SMOC1: variants seen among roughly 807,000 people sequenced by gnomAD.
SMOC1 encodes the protein SPARC related modular calcium binding 1.
Under a neutral mutation model 56.3 loss-of-function variants are expected in SMOC1, and 22 were observed. The observed-to-expected ratio is 0.39, with a 90% CI of 0.28 to 0.56. The LOEUF is 0.56. Among genes scored for constraint, SMOC1 ranks in the 20% least tolerant of loss-of-function variants. The pLI is 0.61. For synonymous variants in SMOC1, 193 were observed against 215.0 expected (o/e 0.90, Z 0.89); for missense variants, 509 against 565.4 (o/e 0.90, Z 1.01).
intron 1 of SMOC1, among the ~76,000 whole-genome samples, chr14:69,913,849 A>G (rs1884617645): frequency 1.3e-5 from 2 of 152,198 alleles, no homozygotes; most frequent in African/African-American, 4.8e-5. Context: ...CATGAGGTTT[A>G]TGTTTCCTTA....
rs559736808 is a variant in SMOC1, at chr14:69,979,606, GT to G, written c.526+1643del. Among the ~76,000 whole-genome samples the G allele has an allele frequency of 1.6e-4, 24 of 151,884 alleles. No individual in the cohort carries two copies. In the East Asian group the frequency reaches 4.3e-3, roughly 27 times the overall value. On this transcript the variant is annotated intron_variant, in intron 5 of 11. Transcript: ENST00000361956. ...TTTTCTATTGCGTGTGTGTGTGTGT[GT>G]TGTTTTTTTTCTAGCAGAGCATTTT...
At chr14:69,981,248 A>G (rs1261938105) in intron 5 of SMOC1, among the ~76,000 whole-genome samples, 1 of 152,054 alleles carries the variant, frequency 6.6e-6, no homozygotes, top group Non-Finnish European at 1.5e-5. Context: ...AGACACTGTT[A>G]TCTTACCCAG....
At chr14:69,972,962 A>C (rs1003315080) in intron 3 of SMOC1, among the ~76,000 whole-genome samples, 1 of 152,172 alleles carries the variant, frequency 6.6e-6, no homozygotes, top group Non-Finnish European at 1.5e-5. Context: ...CCTCATGGAG[A>C]CAGAGGCCTA....
chr14:69,917,178 A>G (rs1884708300), intron 1 of SMOC1, among the ~76,000 whole-genome samples: 1 of 152,234 alleles, frequency 6.6e-6, no homozygotes, highest in Non-Finnish European at 1.5e-5. Flanking sequence ...TTACATTGCA[A>G]ATGGTAACAG....
At chr14:70,001,324 GCC>G (rs1884961206) in intron 7 of SMOC1, among the ~76,000 whole-genome samples, 3 of 152,126 alleles carry the variant, frequency 2.0e-5, no homozygotes, top group Non-Finnish European at 4.4e-5. Context: ...GCCTCTGTTT[GCC>G]ACTGAGGGGT....
intron 3 of SMOC1, among the ~76,000 whole-genome samples, chr14:69,962,959 C>T (rs74589891): frequency 0.021 from 3,212 of 152,050 alleles, 55 homozygotes; most frequent in Non-Finnish European, 0.033. Context: ...TGTGTATATT[C>T]GGTTGTCTCA....
chr14:69,981,221 G>A (rs227441), intron 5 of SMOC1, among the ~76,000 whole-genome samples: 9,519 of 151,256 alleles, frequency 0.063, 718 homozygotes, highest in African/African-American at 0.18. Flanking sequence ...CAGGGAAGAA[G>A]TGGGGGAAGG....
chr14:69,975,576 A>T, intron 3 of SMOC1, 139 bp from the exon 4 acceptor site: 1 of 730,058 alleles, frequency 1.4e-6, no homozygotes, highest in South Asian at 1.5e-5. Context: ...CATGAGAGAC[A>T]CTCTGGAGAC....
At chr14:69,971,099 A>G (rs1050921602) in intron 3 of SMOC1, among the ~76,000 whole-genome samples, 1 of 152,060 alleles carries the variant, frequency 6.6e-6, no homozygotes, top group Non-Finnish European at 1.5e-5. Context: ...GCTCACTGGA[A>G]CCTCCAACTC....
At chr14:70,004,581 C>T (rs2139573211) in intron 7 of SMOC1, among the ~76,000 whole-genome samples, 1 of 152,352 alleles carries the variant, frequency 6.6e-6, no homozygotes, top group East Asian at 1.9e-4. Flanking sequence ...ATATTGGACT[C>T]AAGACTGCCC....
rs555426729 is a variant in SMOC1 at position 69,921,732 on chromosome 14, T to G, written c.100-30406T>G. On this transcript the variant is annotated intron_variant, in intron 1 of 11. Transcript: ENST00000361956. ...GGGCTGGGCCCTAACTTGGGTGGTTTCACTGCATCGTTCAGCTGGAGAACA... is the reference window on the plus strand; with the variant it reads ...GGGCTGGGCCCTAACTTGGGTGGTTGCACTGCATCGTTCAGCTGGAGAACA... Among the ~76,000 whole-genome samples, 7 of 152,326 alleles carry G rather than the reference T, an allele frequency of 4.6e-5. No homozygotes were observed. In the South Asian group the frequency reaches 1.4e-3, roughly 32 times the overall value.
At chr14:69,891,612 AG>A (rs1185654162) in intron 1 of SMOC1, among the ~76,000 whole-genome samples, 1 of 151,998 alleles carries the variant, frequency 6.6e-6, no homozygotes, top group Admixed American at 6.6e-5. Context: ...CAGGGCCAGG[AG>A]GGGCTGCTGC....
chr14:69,954,498 A>G (rs1883118130), intron 3 of SMOC1, among the ~76,000 whole-genome samples: 1 of 152,216 alleles, frequency 6.6e-6, no homozygotes, highest in Non-Finnish European at 1.5e-5. Context: ...AACACAGGCA[A>G]TGGTGGGACA....
At chr14:69,961,597 T>C (rs553789840) in intron 3 of SMOC1, among the ~76,000 whole-genome samples, 2 of 152,064 alleles carry the variant, frequency 1.3e-5, no homozygotes, top group South Asian at 2.1e-4. Flanking sequence ...GCCAAAGCTG[T>C]TCTTGAACTC....
chr14:69,980,863 G>A (rs1001540594), intron 5 of SMOC1, among the ~76,000 whole-genome samples: 1 of 152,174 alleles, frequency 6.6e-6, no homozygotes, highest in Non-Finnish European at 1.5e-5. Context: ...GTGAGTGGTG[G>A]GGGATGGCAG....
intron 1 of SMOC1, among the ~76,000 whole-genome samples, chr14:69,947,284 C>G (rs1183051883): frequency 6.6e-6 from 1 of 152,090 alleles, no homozygotes; most frequent in African/African-American, 2.4e-5. Context: ...ATCCTCTCAT[C>G]TCAGCCTCCC....
chr14:69,898,176 G>T lies in SMOC1; in HGVS notation c.99+18399G>T, dbSNP rs112162672. On this transcript the variant is annotated intron_variant, in intron 1 of 11. Coordinates refer to ENST00000361956, the MANE Select transcript of SMOC1 (RefSeq NM_001034852.3). Reference sequence around the variant, plus strand: ...TTATCTTTGCTCTTCTATACATAAGGTGTATTTTCCTTTGGCTTCTTTCAA... The same window carrying T: ...TTATCTTTGCTCTTCTATACATAAGTTGTATTTTCCTTTGGCTTCTTTCAA... Among the ~76,000 whole-genome samples, 1,226 of 152,144 alleles carry T rather than the reference G, an allele frequency of 8.1e-3. 18 individuals carry two copies. Among genetic ancestry groups the T allele is most frequent in the African/African-American group, 0.028 (1,173 of 41,520 alleles).
At chr14:69,948,915 G>A (rs1375500850) in intron 1 of SMOC1, among the ~76,000 whole-genome samples, 1 of 152,192 alleles carries the variant, frequency 6.6e-6, no homozygotes, top group Non-Finnish European at 1.5e-5. Context: ...TGACACCCAT[G>A]GCTGGGCTCC....
Position 70,031,257 on chromosome 14 carries a change from G to C in SMOC1, c.*999G>C, listed in dbSNP as rs766736257. ...GGACAGGACAGAAAGCCTGCACTGA[G>C]GGGTGCGGTGCCAACAGGGAAACTC... On this transcript the variant is annotated 3_prime_UTR_variant, in exon 12 of 12. Transcript: ENST00000361956. The C allele has an allele frequency of 6.6e-6, 1 of 152,150 alleles. No individual in the cohort carries two copies. The highest frequency in any genetic ancestry group is 1.5e-5 in the Non-Finnish European group (1 of 68,032). 9.4% of individuals were successfully genotyped at this position (152,150 alleles called of 1,614,324 possible).
Sources: gnomAD v4.1 joint callset for allele counts (sites outside exome capture counted in the v4.1 genomes callset) on GRCh38, gnomAD v4.1.1 for gene constraint, MANE v1.5 for transcripts, NCBI Gene and HGNC (gene_info 2026-07-23, HGNC 2026-07-21) for gene names.